PCDH9: variants seen among roughly 807,000 people sequenced by gnomAD.
The protein encoded by PCDH9 is protocadherin 9.
A neutral mutation model predicts 70.6 loss-of-function variants in PCDH9; 24 were observed. The observed-to-expected ratio is 0.34, with a 90% CI of 0.25 to 0.48. The LOEUF (loss-of-function observed/expected upper bound fraction) is 0.48, where lower values mean the gene tolerates loss of function less well. PCDH9 is among the 20% of genes least tolerant of loss of function. The pLI is 0.99. For missense variants in PCDH9, 1,281 were observed against 1,503.6 expected, an observed-to-expected ratio of 0.85 and a Z score of 2.45; for synonymous variants, 562 against 558.5, an observed-to-expected ratio of 1.01 and a Z score of -0.09.
intron 3 of PCDH9, among the ~76,000 whole-genome samples, chr13:66,747,822 TTC>T (rs770429336): frequency 1.3e-5 from 2 of 152,172 alleles, no homozygotes; most frequent in African/African-American, 4.8e-5. Context: ...GCCTTAAAAT[TTC>T]TGTTTCATAA....
intron 3 of PCDH9, among the ~76,000 whole-genome samples, chr13:66,887,660 T>C (rs2082030105): frequency 1.3e-5 from 2 of 152,220 alleles, no homozygotes; most frequent in Admixed American, 1.3e-4. Flanking sequence ...CTAATATACA[T>C]TCAGAAGTGA....
At chr13:66,631,996 C>T (rs1262451918) in intron 3 of PCDH9, among the ~76,000 whole-genome samples, 4 of 152,084 alleles carry the variant, frequency 2.6e-5, no homozygotes, top group Non-Finnish European at 5.9e-5. Flanking sequence ...CAGGTTCAAG[C>T]GATTCTCCTG....
chr13:67,128,233 A>G (rs1376010822), intron 2 of PCDH9, among the ~76,000 whole-genome samples: 2 of 152,176 alleles, frequency 1.3e-5, no homozygotes, highest in Admixed American at 6.5e-5. Flanking sequence ...CCTGGAGAAA[A>G]TGTTCATGTA....
intron 2 of PCDH9, among the ~76,000 whole-genome samples, chr13:66,953,365 G>A (rs1256983163): frequency 6.6e-6 from 1 of 152,176 alleles, no homozygotes; most frequent in Non-Finnish European, 1.5e-5. Flanking sequence ...CCCAGTGCCT[G>A]TAGCACCTGA....
At chr13:66,451,214 A>G (rs184425052) in intron 4 of PCDH9, among the ~76,000 whole-genome samples, 1 of 152,340 alleles carries the variant, frequency 6.6e-6, no homozygotes, top group Non-Finnish European at 1.5e-5. Context: ...TGCCAGGTAT[A>G]TGCTGCACAA....
At chr13:66,764,390 A>G (rs1458384658) in intron 3 of PCDH9, among the ~76,000 whole-genome samples, 1 of 152,000 alleles carries the variant, frequency 6.6e-6, no homozygotes. Flanking sequence ...GTCAACTTCA[A>G]TTCCTTTGGG....
rs534029884 is a variant in PCDH9, at chr13:66,905,669, T to C, written c.3037-2064A>G. On this transcript the variant is annotated intron_variant, in intron 2 of 4. Coordinates refer to ENST00000377865, the MANE Select transcript of PCDH9 (RefSeq NM_203487.3). ...AATTTAACCCATCATATTGTTTTTT[T>C]CCCCCATGGATATATCATAAAAGTG... 9.6e-4 allele frequency among the ~76,000 whole-genome samples: 146 copies of C among 151,860 alleles called. 3 individuals carry two copies. The highest frequency in any genetic ancestry group is 1.7e-3 in the Non-Finnish European group (114 of 67,864).
chr13:66,692,358 A>T (rs2078500312), intron 3 of PCDH9, among the ~76,000 whole-genome samples: 2 of 152,056 alleles, frequency 1.3e-5, no homozygotes, highest in South Asian at 4.1e-4. Context: ...GGTTTTGAAG[A>T]CCTTTGCATA....
intron 3 of PCDH9, among the ~76,000 whole-genome samples, chr13:66,894,900 T>G (rs915941407): frequency 5.9e-5 from 9 of 152,038 alleles, no homozygotes; most frequent in African/African-American, 2.2e-4. Context: ...CTCCGACTCC[T>G]GGGTTCAAGT....
intron 2 of PCDH9, chr13:67,207,067 A>C (rs193013995): frequency 8.7e-4 from 132 of 152,182 alleles, no homozygotes; most frequent in African/African-American, 3.0e-3. Flanking sequence ...GTAAACTGTA[A>C]AGTATCTCCC....
At chr13:67,077,606 A>G (rs2085903108) in intron 2 of PCDH9, among the ~76,000 whole-genome samples, 1 of 152,184 alleles carries the variant, frequency 6.6e-6, no homozygotes, top group Non-Finnish European at 1.5e-5. Context: ...TAGAATACGT[A>G]TTTGTTGATT....
At position 66,520,347 on chromosome 13, in the gene PCDH9, T is replaced by C. The variant is rs1336243384; in HGVS notation, c.3340+110863A>G. ...CTCCTTAGGTCTTCCTTTCTAGTAA[T>C]AGAAGAAAACAGTGATTCAGATTTG... On this transcript the variant is annotated intron_variant, in intron 4 of 4. Coordinates refer to ENST00000377865, the MANE Select transcript of PCDH9 (RefSeq NM_203487.3). 4.6e-5 allele frequency among the ~76,000 whole-genome samples: 7 copies of C among 152,278 alleles called. No individual in the cohort carries two copies. The East Asian group carries it at 1.2e-3, about 25-fold the overall frequency.
intron 2 of PCDH9, among the ~76,000 whole-genome samples, chr13:67,005,631 T>C (rs2084335096): frequency 6.6e-6 from 1 of 152,190 alleles, no homozygotes; most frequent in South Asian, 2.1e-4. Flanking sequence ...GCAGCAATTA[T>C]ACTAAATTAA....
chr13:66,304,802 C>T lies in PCDH9; in HGVS notation c.3567G>A (p.Arg1189=), dbSNP rs148340524. ...ACTGCTTACGGTCATTGAACTGGTT[C>T]CTGTTGCTGTCTTCTTTCCAGGCTC... is the stretch of plus-strand genomic sequence containing the variant. The part of the protein sequence containing the change: ...LTRAWKEDSN[R]NQFNDRKQYG... Residue 1189 remains arginine, a synonymous_variant, in exon 5 of 5, where the codon AGG becomes AGA. Coordinates refer to ENST00000377865, the MANE Select transcript of PCDH9 (RefSeq NM_203487.3). 5 of 1,613,392 alleles carry T rather than the reference C, an allele frequency of 3.1e-6. No homozygotes were observed. The African/African-American group carries it at 4.0e-5, about 13-fold the overall frequency.
chr13:67,060,504 C>G (rs1221333627), intron 2 of PCDH9, among the ~76,000 whole-genome samples: 2 of 152,014 alleles, frequency 1.3e-5, no homozygotes, highest in African/African-American at 4.8e-5. Flanking sequence ...CCTGTCATAC[C>G]TAATCACTCT....
intron 4 of PCDH9, among the ~76,000 whole-genome samples, chr13:66,333,100 A>G (rs1955972211): frequency 1.3e-5 from 2 of 152,066 alleles, no homozygotes; most frequent in Non-Finnish European, 2.9e-5. Context: ...TTCCCATTGC[A>G]AGGAAGACTT....
intron 3 of PCDH9, among the ~76,000 whole-genome samples, chr13:66,656,661 C>T (rs2077934789): frequency 6.6e-6 from 1 of 152,044 alleles, no homozygotes; most frequent in African/African-American, 2.4e-5. Context: ...TTAAAATGCC[C>T]TCTTCTGTAG....
At chr13:66,355,151 A>G (rs1414876530) in intron 4 of PCDH9, among the ~76,000 whole-genome samples, 1 of 152,112 alleles carries the variant, frequency 6.6e-6, no homozygotes. Context: ...TCACCTTAGT[A>G]ATGGCCTTAA....
chr13:66,795,089 T>C (rs753148851), intron 3 of PCDH9, among the ~76,000 whole-genome samples: 2 of 152,064 alleles, frequency 1.3e-5, no homozygotes, highest in Non-Finnish European at 2.9e-5. Context: ...TTATTTAACA[T>C]AATTTCACTT....
Sources: gnomAD v4.1 joint callset for allele counts (sites outside exome capture counted in the v4.1 genomes callset) on GRCh38, gnomAD v4.1.1 for gene constraint, MANE v1.5 for transcripts, NCBI Gene and HGNC (gene_info 2026-07-23, HGNC 2026-07-21) for gene names.